RAPGEF1: variants seen among roughly 807,000 people sequenced by gnomAD.
RAPGEF1 encodes the protein CRK SH3-binding GNRP.
Under a neutral mutation model 143.3 loss-of-function variants are expected in RAPGEF1, and 33 were observed. The ratio of observed to expected loss-of-function variants is 0.23; its 90% CI spans 0.17 to 0.31. The LOEUF is 0.31. Among genes scored for constraint, RAPGEF1 ranks in the 10% least tolerant of loss-of-function variants. RAPGEF1 has a pLI of 1.00. For synonymous variants in RAPGEF1, 629 were observed against 676.5 expected (o/e 0.93, Z 1.09); for missense variants, 1,199 against 1,645.4 (o/e 0.73, Z 4.69).
chr9:131,660,802 G>A (rs536931055), intron 1 of RAPGEF1, among the ~76,000 whole-genome samples: 194 of 152,312 alleles, frequency 1.3e-3, no homozygotes, highest in African/African-American at 4.4e-3. Context: ...GGGCCTTCTC[G>A]CCTATGCAGG....
rs1250638471 is a variant in RAPGEF1, at chr9:131,628,066, G to T, written c.1048C>A (p.Arg350=). 7 of 1,569,070 alleles carry T rather than the reference G, an allele frequency of 4.5e-6. No homozygotes were observed. The highest frequency in any genetic ancestry group is 6.0e-6 in the Non-Finnish European group (7 of 1,157,942). Residue 350 remains arginine (R), a synonymous_variant, in exon 9 of 27, where the codon CGA becomes AGA. Transcript: ENST00000683357. The surrounding 1 kb of genome is among the most constrained non-coding windows in gnomAD (Gnocchi z 5.7). ...DFDVDCYAQR[R]LSGGSHSYGG... ...TATGAGTGGCTGCCTCCTGACAGTC[G>T]CCTCTGTGCGTAACAGTCAACATCA...
intron 5 of RAPGEF1, among the ~76,000 whole-genome samples, chr9:131,635,583 C>G (rs1966163842): frequency 6.6e-6 from 1 of 152,214 alleles, no homozygotes; most frequent in African/African-American, 2.4e-5. Flanking sequence ...GGGGGAGGCT[C>G]TCTCACGCCA....
chr9:131,629,118 G>A lies in RAPGEF1; in HGVS notation c.877C>T (p.Arg293Trp), dbSNP rs749968456. ...APPKPPLPGI[R>W]VVDNSPPPAL... is the part of the protein sequence containing the mutation. ...GGTAATTACCTATTATCAACCACCCGAATGCCAGGCAGAGGAGGCTTGGGG... is the reference window on the plus strand; with the variant it reads ...GGTAATTACCTATTATCAACCACCCAAATGCCAGGCAGAGGAGGCTTGGGG... The change falls in exon 7 of 27, where the codon CGG becomes TGG. Residue 293 changes from arginine to tryptophan, a missense_variant. Around this residue, in one of 6 missense-constraint regions of RAPGEF1, gnomAD observed 613 missense variants for 710.9 expected, o/e 0.86. Transcript: ENST00000683357. The A allele has an allele frequency of 5.0e-6, 8 of 1,613,678 alleles. No individual in the cohort carries two copies. Among genetic ancestry groups the A allele is most frequent in the South Asian group, 2.2e-5 (2 of 91,078 alleles).
intron 1 of RAPGEF1, among the ~76,000 whole-genome samples, chr9:131,705,189 G>C (rs1218848076): frequency 6.6e-6 from 1 of 152,156 alleles, no homozygotes; most frequent in Non-Finnish European, 1.5e-5. Context: ...CTGTGCACCA[G>C]GAACCACCAT....
chr9:131,739,796 T>A lies in RAPGEF1; in HGVS notation c.35A>T (p.Glu12Val). The A allele has an allele frequency of 1.7e-6, 2 of 1,163,222 alleles. No individual in the cohort carries two copies. The highest frequency in any genetic ancestry group is 2.2e-6 in the Non-Finnish European group (2 of 926,490). 72.1% of individuals were successfully genotyped at this position (1,163,222 alleles called of 1,614,324 possible). A position where few individuals can be genotyped will look rare whatever the true frequency, so the allele number is the denominator to read the frequency against. The stretch of plus-strand genomic sequence containing the variant: ...TGCTTTCTCGATCTTGCCGGACATT[T>A]CCGGGCTGCGCCGGAGGCCGAGGCC... Reference protein sequence around the residue: ...SGGLGLRRSPEMSGKIEKADS... With the variant: ...SGGLGLRRSPVMSGKIEKADS... The change falls in exon 1 of 27, where the codon GAA becomes GTA. Residue 12 changes from glutamate (E) to valine (V), a missense_variant. Physicochemically the swap from Glu to Val is moderately radical, Grantham distance 121. Transcript: ENST00000683357.
rs373197789 is a variant in RAPGEF1 at position 131,626,111 on chromosome 9, T to C, written c.1513A>G (p.Ile505Val). 2.1e-5 allele frequency: 34 copies of C among 1,613,702 alleles called. No individual in the cohort carries two copies. The African/African-American group carries it at 4.4e-4, about 21-fold the overall frequency. The change falls in exon 10 of 27, where the codon ATC (isoleucine) becomes GTC (valine). Residue 505 changes from isoleucine (I) to valine (V), a missense_variant. By Grantham distance (29) the Ile-to-Val change is conservative. Around this residue, in one of 6 missense-constraint regions of RAPGEF1, gnomAD observed 613 missense variants for 710.9 expected, o/e 0.86. Coordinates refer to ENST00000683357, the MANE Select transcript of RAPGEF1 (RefSeq NM_001377935.1). ...YERHPSQYDN[I>V]SGEDLQSTAP... ...GTGCTCTGCAGGTCCTCCCCAGAGA[T>C]GTTGTCATACTGCGAGGGATGCCGC...
chr9:131,660,168 C>A (rs1033156372), intron 1 of RAPGEF1, among the ~76,000 whole-genome samples: 2 of 152,182 alleles, frequency 1.3e-5, no homozygotes, highest in Non-Finnish European at 2.9e-5. Flanking sequence ...CTCTGTCTTA[C>A]TTAATATACA....
At chr9:131,615,357 A>T (rs1206256035) in intron 12 of RAPGEF1, among the ~76,000 whole-genome samples, 1 of 152,204 alleles carries the variant, frequency 6.6e-6, no homozygotes, top group Non-Finnish European at 1.5e-5. Flanking sequence ...TGCAGGCGTG[A>T]GCCACTGCAC....
rs542068792 is a variant in RAPGEF1 at position 131,640,382 on chromosome 9, T to C, written c.495-1591A>G. Among the ~76,000 whole-genome samples, 58 of 152,352 alleles carry C rather than the reference T, an allele frequency of 3.8e-4. 1 individual carries two copies. The South Asian group carries it at 0.012, about 32-fold the overall frequency. On this transcript the variant is annotated intron_variant, in intron 4 of 26. Coordinates refer to ENST00000683357, the MANE Select transcript of RAPGEF1 (RefSeq NM_001377935.1). ...AAAGAGGGGAAACACTTTTATTCACTACTTCCTTTCTACCTGCATTGGATG... is the reference window on the plus strand; with the variant it reads ...AAAGAGGGGAAACACTTTTATTCACCACTTCCTTTCTACCTGCATTGGATG...
chr9:131,739,219 C>A (rs1231555393), intron 1 of RAPGEF1, among the ~76,000 whole-genome samples: 3 of 152,246 alleles, frequency 2.0e-5, no homozygotes, highest in African/African-American at 2.4e-5. Context: ...CACCTGCCCT[C>A]CTTGCAGAGC....
Position 131,715,496 on chromosome 9 carries a change from G to A in RAPGEF1, c.61+24274C>T, listed in dbSNP as rs371508001. 8.5e-5 allele frequency among the ~76,000 whole-genome samples: 13 copies of A among 152,134 alleles called. No homozygotes were observed. In the East Asian group the frequency reaches 1.4e-3, roughly 16 times the overall value. ...GGGCTTTGGGGGTTCCTAAGGTGCC[G>A]GCAAACCACGTGTTCATTCTTCTGG... is the stretch of plus-strand genomic sequence containing the variant. On this transcript the variant is annotated intron_variant, in intron 1 of 26. Coordinates refer to ENST00000683357, the MANE Select transcript of RAPGEF1 (RefSeq NM_001377935.1).
At chr9:131,722,601 T>A (rs1183184869) in intron 1 of RAPGEF1, among the ~76,000 whole-genome samples, 1 of 152,154 alleles carries the variant, frequency 6.6e-6, no homozygotes, top group East Asian at 1.9e-4. Flanking sequence ...CGGCCCCTGA[T>A]GGGAATGGGA....
Position 131,665,683 on chromosome 9 carries a change from T to C in RAPGEF1, c.62-14734A>G, listed in dbSNP as rs1014588184. ...CCCACCTCTGAGAGTAAGCCCTCCATGGTAAGCCTGTTCTCCGATGTCCCC... is the reference window on the plus strand; with the variant it reads ...CCCACCTCTGAGAGTAAGCCCTCCACGGTAAGCCTGTTCTCCGATGTCCCC... On this transcript the variant is annotated intron_variant, in intron 1 of 26. Coordinates refer to ENST00000683357, the MANE Select transcript of RAPGEF1 (RefSeq NM_001377935.1). Among the ~76,000 whole-genome samples, 4 of 152,042 alleles carry C rather than the reference T, an allele frequency of 2.6e-5. No individual in the cohort carries two copies. The East Asian group carries it at 5.8e-4, about 22-fold the overall frequency.
chr9:131,593,413 C>G (rs568489989), intron 17 of RAPGEF1, among the ~76,000 whole-genome samples: 1 of 152,262 alleles, frequency 6.6e-6, no homozygotes, highest in African/African-American at 2.4e-5. Context: ...AGCCACCCCC[C>G]GTGCCTGCTG....
intron 5 of RAPGEF1, among the ~76,000 whole-genome samples, chr9:131,630,946 G>A (rs1964669692): frequency 6.8e-6 from 1 of 147,654 alleles, no homozygotes; most frequent in Admixed American, 6.7e-5. Flanking sequence ...GTGCCCATGT[G>A]TTTTTTTTTT....
chr9:131,672,578 A>G (rs1831581524), intron 1 of RAPGEF1, among the ~76,000 whole-genome samples: 1 of 152,184 alleles, frequency 6.6e-6, no homozygotes, highest in African/African-American at 2.4e-5. Context: ...GGTCTGAGGG[A>G]ACCGGTTGAG....
At chr9:131,665,393 G>A (rs1830260986) in intron 1 of RAPGEF1, among the ~76,000 whole-genome samples, 1 of 152,072 alleles carries the variant, frequency 6.6e-6, no homozygotes, top group African/African-American at 2.4e-5. Flanking sequence ...GGTACATTCA[G>A]AATCCACCAC....
At chr9:131,682,673 G>A (rs561189057) in intron 1 of RAPGEF1, among the ~76,000 whole-genome samples, 1 of 152,314 alleles carries the variant, frequency 6.6e-6, no homozygotes, top group African/African-American at 2.4e-5. Context: ...CCGTATGGGG[G>A]AATGGGGAAA....
At chr9:131,645,686 G>C (rs1588717000) in intron 3 of RAPGEF1, among the ~76,000 whole-genome samples, 1 of 152,224 alleles carries the variant, frequency 6.6e-6, no homozygotes, top group Non-Finnish European at 1.5e-5. Flanking sequence ...GCACTGGCTC[G>C]GACTGGGGAC....
Sources: allele counts gnomAD v4.1 joint callset (sites outside exome capture counted in the v4.1 genomes callset), GRCh38; gene constraint gnomAD v4.1.1; regional missense constraint gnomAD v4.1.1; non-coding constraint Gnocchi (gnomAD v3.1); transcripts MANE v1.5; gene names NCBI Gene and HGNC (gene_info 2026-07-23, HGNC 2026-07-21).